The following SFI1 variants were observed in gnomAD, a reference collection of about 807,000 sequenced individuals.
The protein encoded by SFI1 is SFI1 centrin binding protein.
In SFI1, 195 loss-of-function variants were observed where a neutral mutation model predicts 207.5. The observed-to-expected ratio is 0.94, with a 90% confidence interval of 0.84 to 1.06. The LOEUF (loss-of-function observed/expected upper bound fraction) is 1.06, where lower values mean the gene tolerates loss of function less well. Among genes scored for constraint, SFI1 ranks in the 50% least tolerant of loss-of-function variants. The probability of loss-of-function intolerance (pLI) is 0.00; values close to 1 mark genes in which losing one functional copy is unlikely to be tolerated. For synonymous variants in SFI1, 630 were observed against 598.9 expected (o/e 1.05, Z -0.76); for missense variants, 1,634 against 1,588.0 (o/e 1.03, Z -0.49).
chr22:31,530,203 A>AAAAAAAAAT lies in SFI1; in HGVS notation c.267-855_267-854insAAAAAAAAT, dbSNP rs1569227870. On this transcript the variant is annotated intron_variant, in intron 3 of 32. Transcript: ENST00000400288. ...AAAAAAAAAAAAAAAAAAAAAAAAAAGACAAGGCCGGGCGCGGTGGCTCAC... is the reference window on the plus strand; with the variant it reads ...AAAAAAAAAAAAAAAAAAAAAAAAAAAAAAAAAATGACAAGGCCGGGCGCGGTGGCTCAC... Among the ~76,000 whole-genome samples the AAAAAAAAAT allele has an allele frequency of 4.5e-4, 57 of 127,808 alleles. 3 individuals carry two copies. Among genetic ancestry groups the AAAAAAAAAT allele is most frequent in the East Asian group, 1.3e-3 (5 of 3,994 alleles). The allele number at this position is 127,808 out of a possible 152,430, so 83.8% of individuals were successfully genotyped here.
intron 3 of SFI1, among the ~76,000 whole-genome samples, chr22:31,530,178 A>C (rs2058344474): frequency 8.9e-6 from 1 of 112,658 alleles, no homozygotes. Context: ...TCTCAAAAAA[A>C]AAAAAAAAAA....
At chr22:31,547,544 C>A (rs756663227) in intron 5 of SFI1, among the ~76,000 whole-genome samples, 5 of 152,014 alleles carry the variant, frequency 3.3e-5, no homozygotes, top group Admixed American at 2.0e-4. Context: ...CTCCTGACTT[C>A]AGGTGATCCG....
intron 6 of SFI1, among the ~76,000 whole-genome samples, chr22:31,554,470 G>A (rs1322219566): frequency 6.6e-6 from 1 of 151,858 alleles, no homozygotes; most frequent in African/African-American, 2.4e-5. Context: ...CACCCCGCCC[G>A]GCTAATTTTT....
chr22:31,571,293 G>A (rs888816462), intron 8 of SFI1, among the ~76,000 whole-genome samples: 13 of 152,128 alleles, frequency 8.5e-5, no homozygotes, highest in African/African-American at 3.1e-4. Flanking sequence ...TAGTTTAACC[G>A]ATTGTGGTTT....
chr22:31,543,655 CAA>C (rs1395148154), intron 4 of SFI1, among the ~76,000 whole-genome samples: 2 of 151,204 alleles, frequency 1.3e-5, no homozygotes, highest in Non-Finnish European at 2.9e-5. Context: ...ACTAAAAGTA[CAA>C]AAATTAGCTG....
chr22:31,550,440 G>A (rs2147999423), intron 6 of SFI1, 92 bp downstream of exon 6: 1 of 955,216 alleles, frequency 1.0e-6, no homozygotes. Context: ...CAGAGAGAGA[G>A]GAACTCTAGG....
At chr22:31,550,176 G>A (rs1037046094) in intron 5 of SFI1, 78 bp from the exon 6 acceptor site, 2 of 1,089,456 alleles carry the variant, frequency 1.8e-6, no homozygotes, top group Non-Finnish European at 2.8e-6. Flanking sequence ...CTCCCAAAGT[G>A]CTAGGGTTAC....
At chr22:31,608,539 G>A (rs762945534) in intron 22 of SFI1, among the ~76,000 whole-genome samples, 1 of 152,230 alleles carries the variant, frequency 6.6e-6, no homozygotes, top group Non-Finnish European at 1.5e-5. Context: ...TACGGCAGGT[G>A]TGGAGGGGGC....
intron 6 of SFI1, among the ~76,000 whole-genome samples, chr22:31,551,172 C>T (rs1302183856): frequency 6.6e-6 from 1 of 152,160 alleles, no homozygotes; most frequent in Admixed American, 6.6e-5. Flanking sequence ...TCGTGCTTCT[C>T]ATTGTACACA....
intron 2 of SFI1, among the ~76,000 whole-genome samples, chr22:31,524,271 C>CT (rs1249218234): frequency 6.6e-6 from 1 of 152,006 alleles, no homozygotes; most frequent in Non-Finnish European, 1.5e-5. Context: ...GTTTTTTGGT[C>CT]TTTTTGACAA....
At chr22:31,553,667 C>T (rs976641514) in intron 6 of SFI1, among the ~76,000 whole-genome samples, 1 of 150,982 alleles carries the variant, frequency 6.6e-6, no homozygotes, top group African/African-American at 2.4e-5. Context: ...GCCACCAAGC[C>T]CAGCTGGTTT....
At chr22:31,523,946 C>CT (rs563840359) in intron 2 of SFI1, among the ~76,000 whole-genome samples, 18,466 of 135,776 alleles carry the variant, frequency 0.14, 1,352 homozygotes, top group East Asian at 0.25. Flanking sequence ...GCAAGGACTA[C>CT]TTTTTTTTTT....
intron 4 of SFI1, among the ~76,000 whole-genome samples, chr22:31,532,377 A>G (rs1302555415): frequency 1.3e-5 from 2 of 152,210 alleles, no homozygotes; most frequent in African/African-American, 4.8e-5. Context: ...GGACTGCAAG[A>G]GAGAGTCACA....
chr22:31,607,244 T>C (rs1053431635), intron 21 of SFI1, among the ~76,000 whole-genome samples: 4 of 152,108 alleles, frequency 2.6e-5, no homozygotes, highest in East Asian at 1.9e-4. Context: ...TGTTTTGTTA[T>C]TGTGATTTTG....
chr22:31,561,145 A>T (rs963909171), intron 7 of SFI1, 145 bp from the exon 8 acceptor site: 48 of 652,482 alleles, frequency 7.4e-5, no homozygotes, highest in Non-Finnish European at 1.2e-4. Flanking sequence ...GTTTTGTTTT[A>T]TTTTTTTCCC....
At chr22:31,529,646 G>C (rs565565039) in intron 3 of SFI1, among the ~76,000 whole-genome samples, 6 of 152,152 alleles carry the variant, frequency 3.9e-5, no homozygotes, top group Non-Finnish European at 8.8e-5. Context: ...AATCAGGTAG[G>C]CTTGATAGAC....
At chr22:31,588,658 C>T (rs1466115563) in intron 14 of SFI1, among the ~76,000 whole-genome samples, 1 of 152,024 alleles carries the variant, frequency 6.6e-6, no homozygotes, top group Non-Finnish European at 1.5e-5. Context: ...ACTAAAAATA[C>T]AAAAATTAGC....
intron 1 of SFI1, among the ~76,000 whole-genome samples, chr22:31,505,647 G>A (rs1316262133): frequency 2.6e-5 from 4 of 152,026 alleles, no homozygotes; most frequent in Non-Finnish European, 5.9e-5. Context: ...CACTTTGGGA[G>A]GCTAAGGTGG....
intron 2 of SFI1, among the ~76,000 whole-genome samples, chr22:31,515,742 T>C (rs1033873572): frequency 3.3e-5 from 5 of 150,940 alleles, no homozygotes; most frequent in African/African-American, 1.2e-4. Context: ...CCTTTTTTTT[T>C]TTTTTCTTTT....
Sources: allele counts gnomAD v4.1 joint callset (sites outside exome capture counted in the v4.1 genomes callset), GRCh38; gene constraint gnomAD v4.1.1; transcripts MANE v1.5; gene names NCBI Gene and HGNC (gene_info 2026-07-23, HGNC 2026-07-21).